The following FBXO33 variants were observed in gnomAD, a reference collection of about 807,000 sequenced individuals.
FBXO33 encodes F-box protein 33.
A neutral mutation model predicts 46.3 loss-of-function variants in FBXO33; 22 were observed. The observed-to-expected ratio is 0.48, with a 90% CI of 0.34 to 0.68. FBXO33 has a LOEUF of 0.68. Among genes scored for constraint, FBXO33 ranks in the 30% least tolerant of loss-of-function variants. FBXO33 has a pLI of 0.01. For synonymous variants in FBXO33, 337 were observed against 291.3 expected (o/e 1.16, Z -1.60); for missense variants, 692 against 708.8 (o/e 0.98, Z 0.27).
Position 39,431,685 on chromosome 14 carries a change from C to T in FBXO33, c.478G>A (p.Ala160Thr). 6.2e-7 allele frequency: 1 copy of T among 1,613,490 alleles called. No homozygotes were observed. The highest frequency in any genetic ancestry group is 8.5e-7 in the Non-Finnish European group (1 of 1,180,006). The change falls in exon 1 of 4, where the codon GCG (alanine) becomes ACG (threonine). Residue 160 changes from alanine to threonine, a missense_variant. Physicochemically the swap from Ala to Thr is moderately conservative, Grantham distance 58. This residue lies in a region of FBXO33 where 412 missense variants were observed against 370.8 expected (regional missense o/e 1.11). Transcript: ENST00000298097. ...SGGGPGDGGG[A>T]DTGTGGEEVE... ...TCCTCCCCTCCAGTCCCGGTGTCCG[C>T]GCCACCTCCGTCCCCTGGGCCACCG...
chr14:39,429,405 G>A (rs540578997), intron 1 of FBXO33, among the ~76,000 whole-genome samples: 1 of 152,180 alleles, frequency 6.6e-6, no homozygotes, highest in Non-Finnish European at 1.5e-5. Flanking sequence ...TATAGTTTAA[G>A]TGATTATAGA....
At chr14:39,413,778 A>T (rs1193104942) in intron 1 of FBXO33, among the ~76,000 whole-genome samples, 1 of 152,210 alleles carries the variant, frequency 6.6e-6, no homozygotes, top group African/African-American at 2.4e-5. Flanking sequence ...ATGAGATGTA[A>T]TTTTAAAAGG....
rs966810848 is a variant in FBXO33 at position 39,418,783 on chromosome 14, A to C, written c.599+12781T>G. ...AAGCGAGACTCCGTCTCAAAAAAAA[A>C]AAAAAACAAAAAAAAAACAAACTGC... On this transcript the variant is annotated intron_variant, in intron 1 of 3. Transcript: ENST00000298097. Among the ~76,000 whole-genome samples, 12 of 134,788 alleles carry C rather than the reference A, an allele frequency of 8.9e-5. No homozygotes were observed. In the East Asian group the frequency reaches 2.1e-3, roughly 24 times the overall value. 88.4% of individuals were successfully genotyped at this position (134,788 alleles called of 152,430 possible). A position where few individuals can be genotyped will look rare whatever the true frequency, so the allele number is the denominator to read the frequency against.
At chr14:39,403,394 G>A (rs1283756702) in intron 1 of FBXO33, among the ~76,000 whole-genome samples, 1 of 152,104 alleles carries the variant, frequency 6.6e-6, no homozygotes, top group Non-Finnish European at 1.5e-5. Context: ...TCGGGAGTTC[G>A]AGACCAGCCT....
intron 1 of FBXO33, among the ~76,000 whole-genome samples, chr14:39,423,752 T>TA (rs1298885361): frequency 1.3e-5 from 2 of 152,176 alleles, no homozygotes; most frequent in African/African-American, 4.8e-5. Context: ...AAGGGAGTGG[T>TA]AACTGGTAGG....
rs756459481 is a variant in FBXO33, at chr14:39,402,499, C to T, written c.612G>A (p.Lys204=). 2.6e-6 allele frequency: 4 copies of T among 1,516,234 alleles called. No homozygotes were observed. In the South Asian group the frequency reaches 5.7e-5, roughly 21 times the overall value. 93.9% of individuals were successfully genotyped at this position (1,516,234 alleles called of 1,614,324 possible). A position where few individuals can be genotyped will look rare whatever the true frequency, so the allele number is the denominator to read the frequency against. ...CACTTATGTCTCCAAAAAGACTAAA[C>T]TTCTGAAGGTTCCTACAAGAACAAT... ...VSIRNNRNLQ[K]FSLFGDISVL... is the part of the protein sequence containing the mutation. The change falls in exon 2 of 4, where the codon AAG becomes AAA. Residue 204 remains lysine, a synonymous_variant. Coordinates refer to ENST00000298097, the MANE Select transcript of FBXO33 (RefSeq NM_203301.4).
chr14:39,420,191 G>C (rs538023922), intron 1 of FBXO33, among the ~76,000 whole-genome samples: 31 of 152,128 alleles, frequency 2.0e-4, no homozygotes, highest in Middle Eastern at 6.8e-3. Context: ...AAATATCTGT[G>C]GGCTTATTAG....
At chr14:39,426,523 T>A (rs2075515986) in intron 1 of FBXO33, among the ~76,000 whole-genome samples, 1 of 152,226 alleles carries the variant, frequency 6.6e-6, no homozygotes. Flanking sequence ...AGTGACTTCT[T>A]CTATCCTTGG....
At chr14:39,400,222 C>T (rs541683082) in intron 3 of FBXO33, among the ~76,000 whole-genome samples, 4 of 152,154 alleles carry the variant, frequency 2.6e-5, no homozygotes, top group Admixed American at 6.5e-5. Flanking sequence ...TAATGCTTTG[C>T]GAAGTTATGT....
In FBXO33 at chr14:39,431,393, G is replaced by A. The variant is rs1044785637; in HGVS notation, c.599+171C>T. Among the ~76,000 whole-genome samples, 5 of 152,132 alleles carry A rather than the reference G, an allele frequency of 3.3e-5. No homozygotes were observed. In the East Asian group the frequency reaches 9.6e-4, roughly 29 times the overall value. On this transcript the variant is annotated intron_variant, in intron 1 of 3. Transcript: ENST00000298097. ...TTTATAAAGTATCGTGATGAGTCCC[G>A]TTATGCCTTTCCGCTCAAGGAAACC... is the stretch of plus-strand genomic sequence containing the variant.
In FBXO33 at chr14:39,430,909, G is replaced by A. The variant is rs115945859; in HGVS notation, c.599+655C>T. ...TGGCCAACTCCCTCGCTGCCCGCCC[G>A]CCTCCTCCGCCCGACTGTTACTTTT... On this transcript the variant is annotated intron_variant, in intron 1 of 3. Transcript: ENST00000298097. Among the ~76,000 whole-genome samples, 868 of 152,152 alleles carry A rather than the reference G, an allele frequency of 5.7e-3. 7 individuals carry two copies. Among genetic ancestry groups the A allele is most frequent in the African/African-American group, 0.02 (829 of 41,516 alleles).
At chr14:39,418,968 A>C (rs1301784959) in intron 1 of FBXO33, among the ~76,000 whole-genome samples, 1 of 152,236 alleles carries the variant, frequency 6.6e-6, no homozygotes, top group Non-Finnish European at 1.5e-5. Flanking sequence ...ATCCCTTTAC[A>C]GTATGGTTCA....
At chr14:39,413,308 G>C (rs2075432104) in intron 1 of FBXO33, among the ~76,000 whole-genome samples, 1 of 152,186 alleles carries the variant, frequency 6.6e-6, no homozygotes, top group Admixed American at 6.5e-5. Context: ...ATGCATTCCA[G>C]TTTTATGATG....
chr14:39,425,274 T>C (rs2075506884), intron 1 of FBXO33, among the ~76,000 whole-genome samples: 1 of 152,214 alleles, frequency 6.6e-6, no homozygotes, highest in African/African-American at 2.4e-5. Flanking sequence ...GGGAACTTCA[T>C]CTATGGTAGT....
chr14:39,431,592 A>C lies in FBXO33; in HGVS notation c.571T>G (p.Cys191Gly), dbSNP rs987888529. 2.5e-6 allele frequency: 4 copies of C among 1,613,132 alleles called. No individual in the cohort carries two copies. The African/African-American group carries it at 5.3e-5, about 22-fold the overall frequency. ...VLRTYLELVL[C>G]VLVSIRNNRN... is the part of the protein sequence containing the mutation. ...TTGTTCCGGATGCTGACCAGCACGC[A>C]AAGCACCAGCTCCAAGTAGGTGCGC... Residue 191 changes from cysteine to glycine, a missense_variant, in exon 1 of 4, where the codon TGC becomes GGC. By Grantham distance (159) the Cys-to-Gly change is radical. Transcript: ENST00000298097.
At position 39,428,229 on chromosome 14, in the gene FBXO33, G is replaced by A. The variant is rs956945846; in HGVS notation, c.599+3335C>T. Among the ~76,000 whole-genome samples, 5 of 151,626 alleles carry A rather than the reference G, an allele frequency of 3.3e-5. No homozygotes were observed. In the East Asian group the frequency reaches 5.8e-4, roughly 18 times the overall value. On this transcript the variant is annotated intron_variant, in intron 1 of 3. Coordinates refer to ENST00000298097, the MANE Select transcript of FBXO33 (RefSeq NM_203301.4). ...TTTTTTTTAAATTTTTTTTTGAGACGGAGTCTGGCTCTGTCACCCAGGATG... is the reference window on the plus strand; with the variant it reads ...TTTTTTTTAAATTTTTTTTTGAGACAGAGTCTGGCTCTGTCACCCAGGATG...
intron 1 of FBXO33, among the ~76,000 whole-genome samples, chr14:39,411,529 T>C (rs1395442297): frequency 1.3e-5 from 2 of 151,398 alleles, no homozygotes; most frequent in South Asian, 4.2e-4. Context: ...TCCCCCCCCT[T>C]TTTTTTTCTT....
At chr14:39,411,742 C>T (rs1339551226) in intron 1 of FBXO33, among the ~76,000 whole-genome samples, 5 of 151,956 alleles carry the variant, frequency 3.3e-5, no homozygotes, top group Admixed American at 3.3e-4. Flanking sequence ...AGGATGGTCT[C>T]GATCTCTTGA....
At chr14:39,420,240 G>C (rs948133034) in intron 1 of FBXO33, among the ~76,000 whole-genome samples, 1 of 152,048 alleles carries the variant, frequency 6.6e-6, no homozygotes, top group Admixed American at 6.5e-5. Flanking sequence ...AAATAAACTT[G>C]GTTTTAAAAA....
Sources: gnomAD v4.1 joint callset for allele counts (sites outside exome capture counted in the v4.1 genomes callset) on GRCh38, gnomAD v4.1.1 for gene constraint, gnomAD v4.1.1 regional missense constraint, MANE v1.5 for transcripts, NCBI Gene and HGNC (gene_info 2026-07-23, HGNC 2026-07-21) for gene names.